The following GRIN2A variants were observed in gnomAD, a reference collection of about 807,000 sequenced individuals.
The protein encoded by GRIN2A is glutamate ionotropic receptor NMDA type subunit 2A, also known as glutamate receptor ionotropic, NMDA 2A.
Under a neutral mutation model 113.4 loss-of-function variants are expected in GRIN2A, and 22 were observed. The observed-to-expected ratio is 0.19, with a 90% CI of 0.14 to 0.28. GRIN2A has a LOEUF of 0.28. Ranked by LOEUF, GRIN2A falls within the 10% of genes least tolerant of loss-of-function variation. GRIN2A has a pLI of 1.00. For missense variants in GRIN2A, 1,502 were observed against 1,887.0 expected, an observed-to-expected ratio of 0.80 and a Z score of 3.78; for synonymous variants, 827 against 738.4, an observed-to-expected ratio of 1.12 and a Z score of -1.94.
chr16:10,008,716 G>T (rs371367069), intron 2 of GRIN2A, among the ~76,000 whole-genome samples: 1 of 152,154 alleles, frequency 6.6e-6, no homozygotes, highest in East Asian at 1.9e-4. Flanking sequence ...AACAAGCTAG[G>T]TGTCCATCAG....
chr16:9,978,018 T>C (rs1288748897), intron 2 of GRIN2A, among the ~76,000 whole-genome samples: 4 of 152,230 alleles, frequency 2.6e-5, no homozygotes, highest in Admixed American at 2.6e-4. Flanking sequence ...ACTTGGATGC[T>C]GGCTGTGCCA....
chr16:10,022,322 C>T (rs1174675333), intron 2 of GRIN2A, among the ~76,000 whole-genome samples: 1 of 151,812 alleles, frequency 6.6e-6, no homozygotes, highest in Admixed American at 6.6e-5. Context: ...TTCACACACA[C>T]ACGCACACAC....
At chr16:9,852,328 C>T (rs1015005341) in intron 4 of GRIN2A, among the ~76,000 whole-genome samples, 2 of 152,164 alleles carry the variant, frequency 1.3e-5, no homozygotes, top group Non-Finnish European at 2.9e-5. Context: ...CTCTTCCTTC[C>T]TTGCAGACAT....
At chr16:9,796,738 C>G (rs111769994) in intron 11 of GRIN2A, among the ~76,000 whole-genome samples, 7 of 152,304 alleles carry the variant, frequency 4.6e-5, no homozygotes, top group African/African-American at 1.7e-4. Flanking sequence ...GATTCGTACG[C>G]TTGTGGCAGG....
At chr16:10,077,644 G>C (rs1316072913) in intron 2 of GRIN2A, among the ~76,000 whole-genome samples, 1 of 152,176 alleles carries the variant, frequency 6.6e-6, no homozygotes, top group Non-Finnish European at 1.5e-5. Flanking sequence ...AGTCCTACAA[G>C]GCCCTTTAGA....
Position 9,764,974 on chromosome 16 carries a change from G to C in GRIN2A, c.2596-26C>G, listed in dbSNP as rs766430367. On this transcript the variant is annotated intron_variant, in intron 12 of 12. Transcript: ENST00000330684. ...CTGTAGGGGAGCAACATAAAGCACT[G>C]TCAGCAGCAGCAGCAGTGAACATGA... The C allele has an allele frequency of 3.1e-6, 5 of 1,613,376 alleles. No individual in the cohort carries two copies. In the African/African-American group the frequency reaches 5.3e-5, roughly 17 times the overall value.
intron 2 of GRIN2A, among the ~76,000 whole-genome samples, chr16:10,022,771 A>G (rs905887679): frequency 1.3e-5 from 2 of 152,230 alleles, no homozygotes; most frequent in Non-Finnish European, 2.9e-5. Context: ...TCTTCCTATC[A>G]GTCAATGAAC....
chr16:10,068,030 T>C (rs142998939), intron 2 of GRIN2A, among the ~76,000 whole-genome samples: 1,954 of 152,342 alleles, frequency 0.013, 30 homozygotes, highest in African/African-American at 0.043. Context: ...CTGAAAGCCA[T>C]CTGTGGGATA....
rs112151383 is a variant in GRIN2A at position 9,761,132 on chromosome 16, G to C, written c.*2017C>G. The stretch of plus-strand genomic sequence containing the variant: ...CCACTGCCTCCCTCTGTCTCCCTAT[G>C]ATTGACCCTGAAATTTATTGCAACC... On this transcript the variant is annotated 3_prime_UTR_variant, in exon 13 of 13. Coordinates refer to ENST00000330684, the MANE Select transcript of GRIN2A (RefSeq NM_001134407.3). 6,060 of 232,712 alleles carry C rather than the reference G, an allele frequency of 0.026. 155 individuals carry two copies. The highest frequency in any genetic ancestry group is 0.083 in the African/African-American group (3,767 of 45,390). The allele number at this position is 232,712 out of a possible 1,614,324, so 14.4% of individuals were successfully genotyped here. A position where few individuals can be genotyped will look rare whatever the true frequency, so the allele number is the denominator to read the frequency against.
At chr16:9,790,574 T>A (rs1902547335) in intron 11 of GRIN2A, among the ~76,000 whole-genome samples, 1 of 152,232 alleles carries the variant, frequency 6.6e-6, no homozygotes. Context: ...GATATTTGAC[T>A]ATTATAATAT....
chr16:9,798,341 G>A lies in GRIN2A; in HGVS notation c.2292C>T (p.Ala764=). Residue 764 remains alanine, a synonymous_variant, in exon 11 of 13, where the codon GCC becomes GCT. Transcript: ENST00000330684. ...YIFATTGYGI[A]LQKGSPWKRQ... ...TCTTCCAAGGAGAGCCTTTCTGAAG[G>A]GCAATTCCATAACCGGTGGTGGCAA... The A allele has an allele frequency of 6.2e-7, 1 of 1,613,994 alleles. No homozygotes were observed. The highest frequency in any genetic ancestry group is 1.1e-5 in the South Asian group (1 of 91,074).
chr16:10,031,624 C>T (rs2046930650), intron 2 of GRIN2A: 1 of 152,260 alleles, frequency 6.6e-6, no homozygotes, highest in Non-Finnish European at 1.5e-5. Flanking sequence ...GCAACTGTAA[C>T]TTACTGCCTG....
intron 10 of GRIN2A, among the ~76,000 whole-genome samples, chr16:9,805,809 G>C (rs1039179898): frequency 5.3e-5 from 8 of 152,130 alleles, no homozygotes; most frequent in Non-Finnish European, 1.0e-4. Context: ...GATCACCACC[G>C]GGTACCCATC....
chr16:9,856,187 T>C (rs561231663), intron 4 of GRIN2A, among the ~76,000 whole-genome samples: 5 of 152,210 alleles, frequency 3.3e-5, no homozygotes, highest in Non-Finnish European at 5.9e-5. Context: ...AAAAATATTA[T>C]GTTTCTTGCT....
intron 2 of GRIN2A, among the ~76,000 whole-genome samples, chr16:10,086,590 G>A (rs1185161819): frequency 6.8e-6 from 1 of 147,634 alleles, no homozygotes; most frequent in Non-Finnish European, 1.5e-5. Context: ...ACCATACCAG[G>A]GGGTGGAGCA....
chr16:9,971,279 T>G (rs3104703), intron 2 of GRIN2A, among the ~76,000 whole-genome samples: 73,586 of 152,048 alleles, frequency 0.48, 18,088 homozygotes, highest in African/African-American at 0.54. Context: ...TATAACAATT[T>G]CCCTTGGGTA....
Position 9,858,881 on chromosome 16 carries a change from C to T in GRIN2A, c.1123-8920G>A, listed in dbSNP as rs186332298. On this transcript the variant is annotated intron_variant, in intron 4 of 12. Coordinates refer to ENST00000330684, the MANE Select transcript of GRIN2A (RefSeq NM_001134407.3). ...GGAAGAAATTAGGTTAATAGATGTG[C>T]GTGGCTCTTTCAAAGAGATCTGAGT... Among the ~76,000 whole-genome samples, 118 of 152,230 alleles carry T rather than the reference C, an allele frequency of 7.8e-4. 2 individuals carry two copies. Among genetic ancestry groups the T allele is most frequent in the African/African-American group, 2.7e-3 (113 of 41,544 alleles).
At position 9,755,012 on chromosome 16, in the gene GRIN2A, G is replaced by T. The variant is rs2141108196; in HGVS notation, c.*8137C>A. 5.0e-6 allele frequency: 1 copy of T among 201,306 alleles called. No individual in the cohort carries two copies. Among genetic ancestry groups the T allele is most frequent in the South Asian group, 1.9e-4 (1 of 5,256 alleles). 12.5% of individuals were successfully genotyped at this position (201,306 alleles called of 1,614,324 possible). On this transcript the variant is annotated 3_prime_UTR_variant, in exon 13 of 13. Transcript: ENST00000330684. ...GAGTTATGTTAATATCCTATTGAAGGTTCATCTTAAATCTTTCCTAAAGGT... is the reference window on the plus strand; with the variant it reads ...GAGTTATGTTAATATCCTATTGAAGTTTCATCTTAAATCTTTCCTAAAGGT...
At position 9,764,869 on chromosome 16, in the gene GRIN2A, C is replaced by T. The variant is rs1296700089; in HGVS notation, c.2675G>A (p.Ser892Asn). 1.9e-6 allele frequency: 3 copies of T among 1,614,152 alleles called. No individual in the cohort carries two copies. Among genetic ancestry groups the T allele is most frequent in the East Asian group, 2.2e-5 (1 of 44,866 alleles). The part of the protein sequence containing the change: ...SPDFNLTGSQ[S>N]NMLKLLRSAK... ...TGACCGGAGGAGTTTTAACATGTTGCTCTGGGATCCCGTCAGATTGAAGTC... is the reference window on the plus strand; with the variant it reads ...TGACCGGAGGAGTTTTAACATGTTGTTCTGGGATCCCGTCAGATTGAAGTC... The change falls in exon 13 of 13, where the codon AGC becomes AAC. Residue 892 changes from serine (S) to asparagine (N), a missense_variant. By Grantham distance (46) the Ser-to-Asn change is conservative (BLOSUM62 1). Transcript: ENST00000330684.
Sources: gnomAD v4.1 joint callset for allele counts (sites outside exome capture counted in the v4.1 genomes callset) on GRCh38, gnomAD v4.1.1 for gene constraint, MANE v1.5 for transcripts, NCBI Gene and HGNC (gene_info 2026-07-23, HGNC 2026-07-21) for gene names.